The following LAMA2 variants were observed in gnomAD, a reference collection of about 807,000 sequenced individuals.
LAMA2 encodes laminin subunit alpha-2.
Under a neutral mutation model 364.8 loss-of-function variants are expected in LAMA2, and 269 were observed. The ratio of observed to expected loss-of-function variants is 0.74; its 90% CI spans 0.67 to 0.82. The LOEUF is 0.82. LAMA2 is among the 40% of genes least tolerant of loss of function. The pLI is 0.00. For missense variants in LAMA2, 3,807 were observed against 3,873.2 expected (o/e 0.98, Z 0.45); for synonymous variants, 1,379 against 1,370.6 (o/e 1.01, Z -0.14).
chr6:128,928,431 C>A (rs1194907177), intron 1 of LAMA2, among the ~76,000 whole-genome samples: 5 of 152,120 alleles, frequency 3.3e-5, no homozygotes, highest in Non-Finnish European at 7.4e-5. Flanking sequence ...AAACCAATAT[C>A]TATTTCAACA....
intron 1 of LAMA2, among the ~76,000 whole-genome samples, chr6:128,970,196 T>C (rs200868974): frequency 6.6e-6 from 1 of 152,186 alleles, no homozygotes; most frequent in East Asian, 1.9e-4. Flanking sequence ...TAAGTCATAT[T>C]TTAGCCACAG....
At chr6:129,280,272 G>C (rs1464335693) in intron 18 of LAMA2, 125 bp downstream of exon 18, 2 of 710,834 alleles carry the variant, frequency 2.8e-6, no homozygotes, top group African/African-American at 3.5e-5. Flanking sequence ...GTGAAATAAA[G>C]TTTCTCAACG....
chr6:129,409,090 C>T (rs974206683), intron 40 of LAMA2, among the ~76,000 whole-genome samples: 1 of 152,208 alleles, frequency 6.6e-6, no homozygotes, highest in Admixed American at 6.5e-5. Flanking sequence ...TATAATTACA[C>T]ATCTGGCCAT....
intron 1 of LAMA2, among the ~76,000 whole-genome samples, chr6:129,042,731 A>G (rs1271543733): frequency 6.6e-6 from 1 of 152,176 alleles, no homozygotes; most frequent in African/African-American, 2.4e-5. Context: ...AAGATTAGGT[A>G]TGTTTAAAAA....
chr6:129,027,551 C>A (rs1785911759), intron 1 of LAMA2, among the ~76,000 whole-genome samples: 1 of 151,862 alleles, frequency 6.6e-6, no homozygotes, highest in South Asian at 2.1e-4. Flanking sequence ...ATTACATCTA[C>A]AGACAAAGAA....
intron 9 of LAMA2, among the ~76,000 whole-genome samples, chr6:129,171,125 T>G (rs1405110153): frequency 6.6e-6 from 1 of 152,194 alleles, no homozygotes; most frequent in Non-Finnish European, 1.5e-5. Flanking sequence ...TGACTCTTTA[T>G]CCAATTTGCC....
chr6:128,899,240 A>G (rs1582627665), intron 1 of LAMA2, among the ~76,000 whole-genome samples: 1 of 152,184 alleles, frequency 6.6e-6, no homozygotes, highest in African/African-American at 2.4e-5. Context: ...ATGTAATTCC[A>G]TGGAGGAGGT....
rs1388570472 is a variant in LAMA2, at chr6:129,158,584, A to G, written c.1206+3901A>G. 5.0e-6 allele frequency: 8 copies of G among 1,613,916 alleles called. No individual in the cohort carries two copies. The Admixed American group carries it at 5.0e-5, about 10-fold the overall frequency. ...CGACGTCTGCTTGAGATGCTCTTGC[A>G]ATAATGTTTGTAACAAAAGCAGCTG... On this transcript the variant is annotated intron_variant, in intron 8 of 64. Transcript: ENST00000421865.
At chr6:129,497,852 A>G (rs1399165784) in intron 58 of LAMA2, among the ~76,000 whole-genome samples, 1 of 152,228 alleles carries the variant, frequency 6.6e-6, no homozygotes, top group African/African-American at 2.4e-5. Context: ...CATTTCATGC[A>G]TATTATCTCA....
At chr6:129,190,382 G>A in intron 11 of LAMA2, 37 bp downstream of exon 11, 1 of 1,606,612 alleles carries the variant, frequency 6.2e-7, no homozygotes, top group South Asian at 1.1e-5. Context: ...TGCTGCCCCA[G>A]CAGCCTTCTT....
intron 37 of LAMA2, among the ~76,000 whole-genome samples, chr6:129,397,789 A>T (rs1352613901): frequency 6.6e-6 from 1 of 151,910 alleles, no homozygotes; most frequent in Non-Finnish European, 1.5e-5. Flanking sequence ...AAATAAAAAA[A>T]ATTAGCCAGG....
intron 10 of LAMA2, among the ~76,000 whole-genome samples, chr6:129,181,524 A>G (rs1054456017): frequency 1.3e-5 from 2 of 152,024 alleles, no homozygotes; most frequent in Admixed American, 6.6e-5. Context: ...TTGGAAAAGA[A>G]ACATGTATAA....
At chr6:128,951,195 T>C (rs891828503) in intron 1 of LAMA2, among the ~76,000 whole-genome samples, 1 of 152,178 alleles carries the variant, frequency 6.6e-6, no homozygotes, top group Non-Finnish European at 1.5e-5. Flanking sequence ...TAGTTTTCCC[T>C]CCACTAGCCG....
intron 4 of LAMA2, among the ~76,000 whole-genome samples, chr6:129,133,753 A>G (rs946102119): frequency 1.3e-5 from 2 of 152,210 alleles, no homozygotes; most frequent in African/African-American, 4.8e-5. Context: ...GGAGGCTGCT[A>G]GTAGCTATCC....
chr6:129,338,478 A>G (rs972316436), intron 29 of LAMA2, among the ~76,000 whole-genome samples: 1 of 152,214 alleles, frequency 6.6e-6, no homozygotes, highest in African/African-American at 2.4e-5. Flanking sequence ...TTGCTTAAAA[A>G]TGGTGGTTCC....
At position 129,460,249 on chromosome 6, in the gene LAMA2, CAT is replaced by C. The variant is rs757404275; in HGVS notation, c.6919_6920del (p.Tyr2307LeufsTer2). On this transcript the variant is annotated frameshift_variant, in exon 49 of 65. Coordinates refer to ENST00000421865, the MANE Select transcript of LAMA2 (RefSeq NM_000426.4). LOFTEE classifies it high-confidence loss of function. Reference sequence around the variant, plus strand: ...ACATTCACTGGCTGCATGGGAGAAACATACTTTGACAACAAACCTATAGGTTT... The same window carrying C: ...ACATTCACTGGCTGCATGGGAGAAACACTTTGACAACAAACCTATAGGTTT... 2 of 1,611,776 alleles carry C rather than the reference CAT, an allele frequency of 1.2e-6. No individual in the cohort carries two copies. Among genetic ancestry groups the C allele is most frequent in the Non-Finnish European group, 1.7e-6 (2 of 1,178,304 alleles).
At chr6:129,275,175 A>G (rs562363762) in intron 17 of LAMA2, among the ~76,000 whole-genome samples, 2 of 152,152 alleles carry the variant, frequency 1.3e-5, no homozygotes, top group African/African-American at 4.8e-5. Context: ...GTATTCCAAG[A>G]CAATAGGTAA....
chr6:129,263,854 C>T (rs1787307899), intron 15 of LAMA2, among the ~76,000 whole-genome samples: 1 of 152,148 alleles, frequency 6.6e-6, no homozygotes, highest in Non-Finnish European at 1.5e-5. Flanking sequence ...ATCCTCCTGC[C>T]TCAGCCTCCT....
intron 8 of LAMA2, among the ~76,000 whole-genome samples, chr6:129,159,798 GT>G (rs1779347669): frequency 6.6e-6 from 1 of 152,168 alleles, no homozygotes; most frequent in African/African-American, 2.4e-5. Flanking sequence ...GTTGCAGAGA[GT>G]TTTTATAACA....
Sources: gnomAD v4.1 joint callset for allele counts (sites outside exome capture counted in the v4.1 genomes callset) on GRCh38, gnomAD v4.1.1 for gene constraint, MANE v1.5 for transcripts, NCBI Gene and HGNC (gene_info 2026-07-23, HGNC 2026-07-21) for gene names.